SUFU: variants seen among roughly 807,000 people sequenced by gnomAD.
The protein encoded by SUFU is suppressor of fused homolog.
Under a neutral mutation model 58.9 loss-of-function variants are expected in SUFU, and 7 were observed. The ratio of observed to expected loss-of-function variants is 0.12; its 90% CI spans 0.07 to 0.22. SUFU has a LOEUF of 0.22. Ranked by LOEUF, SUFU falls within the 10% of genes least tolerant of loss-of-function variation. SUFU has a pLI of 1.00. For missense variants in SUFU, 451 were observed against 641.3 expected (o/e 0.70, Z 3.20); for synonymous variants, 232 against 254.8 (o/e 0.91, Z 0.85).
chr10:102,556,158 C>T (rs1439002075), intron 3 of SUFU, among the ~76,000 whole-genome samples: 4 of 152,042 alleles, frequency 2.6e-5, no homozygotes, highest in East Asian at 1.9e-4. Context: ...GATGAGGCTC[C>T]GGTGGGTGTG....
intron 8 of SUFU, among the ~76,000 whole-genome samples, chr10:102,614,203 C>T (rs2063657549): frequency 6.6e-6 from 1 of 152,318 alleles, no homozygotes; most frequent in East Asian, 1.9e-4. Context: ...AGAGGAAGGG[C>T]TCCCAGAAGC....
At chr10:102,561,832 CTAA>C (rs2063040802) in intron 3 of SUFU, among the ~76,000 whole-genome samples, 1 of 152,036 alleles carries the variant, frequency 6.6e-6, no homozygotes, top group African/African-American at 2.4e-5. Context: ...CCACACCCGG[CTAA>C]TTTTTAAATT....
At chr10:102,613,294 T>C (rs1178830667) in intron 8 of SUFU, among the ~76,000 whole-genome samples, 1 of 152,242 alleles carries the variant, frequency 6.6e-6, no homozygotes, top group African/African-American at 2.4e-5. Context: ...AAAAGGCAGT[T>C]TTAGAGCTGG....
intron 3 of SUFU, among the ~76,000 whole-genome samples, chr10:102,560,836 ATTTC>A (rs751618638): frequency 6.6e-6 from 1 of 151,528 alleles, no homozygotes; most frequent in Non-Finnish European, 1.5e-5. Context: ...TTACCGAAGT[ATTTC>A]TTTTTTTTTT....
At chr10:102,556,462 G>A (rs531787048) in intron 3 of SUFU, among the ~76,000 whole-genome samples, 80 of 152,310 alleles carry the variant, frequency 5.3e-4, no homozygotes, top group African/African-American at 1.9e-3. Flanking sequence ...AAGAAAATGG[G>A]CCAGGCATGG....
At chr10:102,615,597 A>C (rs2063677874) in intron 9 of SUFU, among the ~76,000 whole-genome samples, 195 bp downstream of exon 9, 1 of 152,172 alleles carries the variant, frequency 6.6e-6, no homozygotes, top group Non-Finnish European at 1.5e-5. Flanking sequence ...TACACACCTA[A>C]GCAGGCTGGG....
intron 3 of SUFU, among the ~76,000 whole-genome samples, chr10:102,566,368 G>T (rs900131272): frequency 6.6e-6 from 1 of 152,118 alleles, no homozygotes; most frequent in Non-Finnish European, 1.5e-5. Context: ...AGTGTCTCAC[G>T]CCTGTAACCC....
At position 102,632,232 on chromosome 10, in the gene SUFU, C is replaced by T. The variant is rs1038319940; in HGVS notation, c.*2077C>T. On this transcript the variant is annotated 3_prime_UTR_variant, in exon 12 of 12. Transcript: ENST00000369902. ...GTGAAGCACCTGGTCAGCAACCTGC[C>T]CCAGACCTGGAGGGTCTTTGTGGAC... The T allele has an allele frequency of 8.6e-6, 2 of 233,218 alleles. No homozygotes were observed. The highest frequency in any genetic ancestry group is 6.0e-5 in the East Asian group (1 of 16,600). 14.4% of individuals were successfully genotyped at this position (233,218 alleles called of 1,614,324 possible). A position where few individuals can be genotyped will look rare whatever the true frequency, so the allele number is the denominator to read the frequency against.
intron 3 of SUFU, among the ~76,000 whole-genome samples, chr10:102,577,080 CTTTTCTTTTTTT>C (rs1183935393): frequency 1.0e-5 from 1 of 97,086 alleles, no homozygotes; most frequent in Admixed American, 1.2e-4. Flanking sequence ...TGGATTTTTT[CTTTTCTTTTTTT>C]TTTTTTTTTG....
At chr10:102,522,432 C>T (rs369730264) in intron 2 of SUFU, among the ~76,000 whole-genome samples, 5 of 152,128 alleles carry the variant, frequency 3.3e-5, no homozygotes, top group African/African-American at 4.8e-5. Context: ...AAATACCACA[C>T]GCCTCCTCCT....
chr10:102,526,992 TG>T (rs1281811176), intron 2 of SUFU, among the ~76,000 whole-genome samples: 30 of 143,172 alleles, frequency 2.1e-4, no homozygotes, highest in South Asian at 4.3e-4. Flanking sequence ...TTATTATTAT[TG>T]TTTTTTTTTT....
chr10:102,539,353 T>C (rs922145827), intron 2 of SUFU, among the ~76,000 whole-genome samples: 1 of 152,250 alleles, frequency 6.6e-6, no homozygotes, highest in Non-Finnish European at 1.5e-5. Context: ...CACAGACATG[T>C]TGTGCCCTTC....
chr10:102,556,281 A>C (rs938134949), intron 3 of SUFU, among the ~76,000 whole-genome samples: 4 of 152,208 alleles, frequency 2.6e-5, no homozygotes, highest in Admixed American at 6.5e-5. Flanking sequence ...ACCTGCTGGC[A>C]GACAGCTACC....
intron 2 of SUFU, among the ~76,000 whole-genome samples, chr10:102,519,356 C>T (rs2062518157): frequency 6.6e-6 from 1 of 151,386 alleles, no homozygotes; most frequent in African/African-American, 2.4e-5. Flanking sequence ...GAAACCGTCT[C>T]TACTAAAAAA....
chr10:102,627,062 C>T, intron 10 of SUFU, 113 bp from the exon 11 acceptor site: 2 of 1,166,614 alleles, frequency 1.7e-6, no homozygotes, highest in Non-Finnish European at 2.6e-6. Flanking sequence ...TTGAACAGAT[C>T]ACAGTGAGCT....
intron 3 of SUFU, among the ~76,000 whole-genome samples, chr10:102,564,889 C>G (rs772270935): frequency 1.3e-5 from 2 of 152,120 alleles, no homozygotes; most frequent in Non-Finnish European, 2.9e-5. Flanking sequence ...CTGCACTTTC[C>G]TAAGATTTTA....
intron 8 of SUFU, among the ~76,000 whole-genome samples, chr10:102,604,011 G>A (rs1460964872): frequency 6.6e-6 from 1 of 152,234 alleles, no homozygotes; most frequent in African/African-American, 2.4e-5. Flanking sequence ...GGCTGTGGCT[G>A]GTGCCGCTCG....
At position 102,619,045 on chromosome 10, in the gene SUFU, A is replaced by T; in HGVS notation, c.1296+1617A>T. On this transcript the variant is annotated intron_variant, in intron 10 of 11. Transcript: ENST00000369902. This position sits in a 1 kb window ranked among gnomAD's most constrained non-coding sequence, Gnocchi z 4.2. ...CCTCCCCAAACTGCAGAATCTACCC[A>T]GTTATGTTTGACATCCTCAGCTCTG... 1 of 1,612,202 alleles carries T rather than the reference A, an allele frequency of 6.2e-7. No homozygotes were observed.
intron 3 of SUFU, among the ~76,000 whole-genome samples, chr10:102,551,544 A>G (rs2062914941): frequency 6.6e-6 from 1 of 151,732 alleles, no homozygotes; most frequent in Non-Finnish European, 1.5e-5. Flanking sequence ...AGGCTGAGGC[A>G]GGAGAATCGC....
Sources: gnomAD v4.1 joint callset for allele counts (sites outside exome capture counted in the v4.1 genomes callset) on GRCh38, gnomAD v4.1.1 for gene constraint, Gnocchi (gnomAD v3.1) non-coding constraint, MANE v1.5 for transcripts, NCBI Gene and HGNC (gene_info 2026-07-23, HGNC 2026-07-21) for gene names.